ZNF248: variants seen among roughly 807,000 people sequenced by gnomAD.
ZNF248 encodes the protein zinc finger protein 248, also known as KRAB protein domain.
Under a neutral mutation model 44.3 loss-of-function variants are expected in ZNF248, and 20 were observed. That is an observed-to-expected ratio of 0.45 (90% confidence interval 0.32 to 0.66). The LOEUF is 0.66. Among genes scored for constraint, ZNF248 ranks in the 30% least tolerant of loss-of-function variants. ZNF248 has a pLI of 0.04. For missense variants in ZNF248, 654 were observed against 677.0 expected (o/e 0.97, Z 0.38); for synonymous variants, 224 against 229.0 (o/e 0.98, Z 0.20).
At chr10:37,825,613 G>C (rs1262886493), downstream of ZNF248, among the ~76,000 whole-genome samples, 1 of 152,040 alleles carries the variant, frequency 6.6e-6, no homozygotes, top group Non-Finnish European at 1.5e-5. Flanking sequence ...CTAATTTTTT[G>C]TATTTTCTGT....
intron 3 of ZNF248, among the ~76,000 whole-genome samples, chr10:37,852,867 A>G (rs1184774308): frequency 6.6e-6 from 1 of 151,862 alleles, no homozygotes; most frequent in Non-Finnish European, 1.5e-5. Flanking sequence ...GAAAAGGCAG[A>G]TAATTTTTTT....
In ZNF248 at chr10:37,831,856, G is replaced by A; in HGVS notation, c.1499C>T (p.Ser500Phe). The change falls in exon 6 of 6, where the codon TCC becomes TTC. Residue 500 changes from serine (S) to phenylalanine (F), a missense_variant. By Grantham distance (155) the Ser-to-Phe change is radical (BLOSUM62 -2). Transcript: ENST00000395867. ...AATGAGGTTTGACTTCACACAGAAGGATTTTCCACATTCATTACATATAAA... is the reference window on the plus strand; with the variant it reads ...AATGAGGTTTGACTTCACACAGAAGAATTTTCCACATTCATTACATATAAA... ...KPFICNECGK[S>F]FCVKSNLIVH... 6.2e-7 allele frequency: 1 copy of A among 1,613,980 alleles called. No homozygotes were observed. The highest frequency in any genetic ancestry group is 8.5e-7 in the Non-Finnish European group (1 of 1,179,940).
chr10:37,807,319 T>C (rs546853795), intron 6 of ZNF248, among the ~76,000 whole-genome samples: 5 of 152,322 alleles, frequency 3.3e-5, no homozygotes, highest in Admixed American at 2.6e-4. Flanking sequence ...TATAGCTTTG[T>C]AATAACTCTT....
At position 37,776,716 on chromosome 10, in the gene ZNF248, T is replaced by C. The variant is rs148637003; in HGVS notation, c.331-141A>G. ...GTCCAAGCAACACAGTCATGCAGCC[T>C]GACCCAAGGACTTCAAGATGCTAAG... On this transcript the variant is annotated intron_variant, in intron 6 of 6. Transcript: ENST00000615949. 240 of 375,428 alleles carry C rather than the reference T, an allele frequency of 6.4e-4. 2 individuals are homozygous for C. Among genetic ancestry groups the C allele is most frequent in the African/African-American group, 4.3e-3 (205 of 48,128 alleles). The allele number at this position is 375,428 out of a possible 1,614,324, so 23.3% of individuals were successfully genotyped here. A position where few individuals can be genotyped will look rare whatever the true frequency, so the allele number is the denominator to read the frequency against.
intron 6 of ZNF248, among the ~76,000 whole-genome samples, chr10:37,788,897 G>A (rs1378036818): frequency 6.6e-6 from 1 of 150,916 alleles, no homozygotes; most frequent in Non-Finnish European, 1.5e-5. Context: ...TTTGAGACAG[G>A]GTCTCACTTT....
At chr10:37,797,268 C>A (rs1489444707) in intron 6 of ZNF248, among the ~76,000 whole-genome samples, 1 of 148,898 alleles carries the variant, frequency 6.7e-6, no homozygotes, top group East Asian at 1.9e-4. Flanking sequence ...GAAGTTGGAC[C>A]CCCTACCTCA....
intron 3 of ZNF248, among the ~76,000 whole-genome samples, chr10:37,848,187 C>T (rs970321261): frequency 1.3e-5 from 2 of 152,086 alleles, no homozygotes; most frequent in East Asian, 1.9e-4. Flanking sequence ...GCAGGTGAAT[C>T]GCTTGAACCC....
chr10:37,814,898 T>C (rs979182771), intron 6 of ZNF248, among the ~76,000 whole-genome samples: 37 of 152,250 alleles, frequency 2.4e-4, no homozygotes, highest in African/African-American at 8.0e-4. Flanking sequence ...ACTTGAAGTT[T>C]ATTGTGTTTC....
chr10:37,832,201 C>A lies in ZNF248; in HGVS notation c.1154G>T (p.Cys385Phe). 6.2e-7 allele frequency: 1 copy of A among 1,614,126 alleles called. No homozygotes were observed. Among genetic ancestry groups the A allele is most frequent in the Non-Finnish European group, 8.5e-7 (1 of 1,179,984 alleles). The change falls in exon 6 of 6, where the codon TGT (cysteine) becomes TTT (phenylalanine). Residue 385 changes from cysteine (C) to phenylalanine (F), a missense_variant. By Grantham distance (205) the Cys-to-Phe change is radical. Coordinates refer to ENST00000395867, the MANE Select transcript of ZNF248 (RefSeq NM_021045.3). ...TGEKTFECGECGKTFWEKSNL... is the reference protein window; with the variant it reads ...TGEKTFECGEFGKTFWEKSNL... ...TGACTTCTCCCAGAAGGTTTTCCCA[C>A]ATTCACCACATTCAAAGGTTTTTTC...
chr10:37,796,928 C>A (rs1479563883), intron 6 of ZNF248, among the ~76,000 whole-genome samples: 1 of 151,870 alleles, frequency 6.6e-6, no homozygotes, highest in Admixed American at 6.6e-5. Context: ...GAAAAAGAAA[C>A]CTCATGCATC....
intron 6 of ZNF248, among the ~76,000 whole-genome samples, chr10:37,817,765 AT>A (rs982703168): frequency 1.6e-4 from 24 of 152,200 alleles, no homozygotes; most frequent in East Asian, 7.7e-4. Flanking sequence ...AGGCAACAGC[AT>A]TTTTTCCCCC....
chr10:37,852,103 C>T (rs527878119), intron 3 of ZNF248, among the ~76,000 whole-genome samples: 11 of 151,986 alleles, frequency 7.2e-5, no homozygotes. Flanking sequence ...CAAAATTAGC[C>T]GGGCGTGGTG....
At chr10:37,815,486 A>G (rs192496719) in intron 6 of ZNF248, among the ~76,000 whole-genome samples, 1 of 152,132 alleles carries the variant, frequency 6.6e-6, no homozygotes, top group East Asian at 1.9e-4. Context: ...TTTCAGCTCC[A>G]GAATTTGTTT....
chr10:37,808,060 AAG>A (rs1491564982), intron 6 of ZNF248, among the ~76,000 whole-genome samples: 2 of 152,220 alleles, frequency 1.3e-5, no homozygotes, highest in East Asian at 3.9e-4. Context: ...CTCATTATGA[AAG>A]AGTGTTGAAA....
chr10:37,761,504 A>G, the ZNF248 span, among the ~76,000 whole-genome samples: 1 of 152,262 alleles, frequency 6.6e-6, no homozygotes, highest in Non-Finnish European at 1.5e-5. Context: ...TAAACTTAGT[A>G]AACATATTTT....
intron 6 of ZNF248, among the ~76,000 whole-genome samples, chr10:37,791,150 T>C (rs2048506157): frequency 7.1e-6 from 1 of 139,926 alleles, no homozygotes; most frequent in Non-Finnish European, 1.5e-5. Flanking sequence ...CACGCCATTC[T>C]CCTGCCTCAG....
downstream of ZNF248, among the ~76,000 whole-genome samples, chr10:37,824,777 G>A (rs899305817): frequency 2.9e-4 from 37 of 127,198 alleles, no homozygotes; most frequent in African/African-American, 1.1e-3. Flanking sequence ...CACCTCTCCG[G>A]TTCACACCAT....
At chr10:37,766,942 G>T in the ZNF248 span, among the ~76,000 whole-genome samples, 11 of 152,328 alleles carry the variant, frequency 7.2e-5, no homozygotes, top group South Asian at 4.1e-4. Context: ...AGCTGATGGA[G>T]CTGAAAGCCA....
chr10:37,772,305 T>TA (rs1234387442), downstream of ZNF248, among the ~76,000 whole-genome samples: 1 of 152,056 alleles, frequency 6.6e-6, no homozygotes, highest in Non-Finnish European at 1.5e-5. Flanking sequence ...TTTCTGCATT[T>TA]ACAGCCATTT....
Sources: allele counts gnomAD v4.1 joint callset (sites outside exome capture counted in the v4.1 genomes callset), GRCh38; gene constraint gnomAD v4.1.1; transcripts MANE v1.5; gene names NCBI Gene and HGNC (gene_info 2026-07-23, HGNC 2026-07-21).